The following FAM193A variants were observed in gnomAD, a reference collection of about 807,000 sequenced individuals.
The protein encoded by FAM193A is family with sequence similarity 193 member A.
In FAM193A, 22 loss-of-function variants were observed where a neutral mutation model predicts 126.5. The observed-to-expected ratio is 0.17, with a 90% CI of 0.12 to 0.25. FAM193A has a LOEUF of 0.25. FAM193A is among the 10% of genes least tolerant of loss of function. The probability of loss-of-function intolerance (pLI) is 1.00; values close to 1 mark genes in which losing one functional copy is unlikely to be tolerated. For missense variants in FAM193A, 1,675 were observed against 1,672.8 expected (o/e 1.00, Z -0.02); for synonymous variants, 761 against 646.8 (o/e 1.18, Z -2.68).
chr4:2,543,334 G>A (rs775043117), intron 1 of FAM193A, among the ~76,000 whole-genome samples: 15 of 152,020 alleles, frequency 9.9e-5, no homozygotes, highest in South Asian at 2.1e-4. Context: ...TGATGTACCC[G>A]CCTCGGCCTC....
intron 19 of FAM193A, among the ~76,000 whole-genome samples, chr4:2,702,887 A>T (rs190312051): frequency 1.3e-5 from 2 of 152,290 alleles, no homozygotes; most frequent in Admixed American, 6.5e-5. Flanking sequence ...CACCTTTAGT[A>T]CAATTACGTT....
At chr4:2,711,094 C>T (rs1718916106) in intron 19 of FAM193A, among the ~76,000 whole-genome samples, 1 of 149,404 alleles carries the variant, frequency 6.7e-6, no homozygotes, top group South Asian at 2.1e-4. Flanking sequence ...CCTTGTGATC[C>T]ACCCACCTTG....
chr4:2,555,622 T>G (rs191536079), intron 1 of FAM193A, among the ~76,000 whole-genome samples: 11 of 152,174 alleles, frequency 7.2e-5, no homozygotes, highest in African/African-American at 2.4e-4. Flanking sequence ...TTTGTTTGTT[T>G]GTTTTTTGTT....
chr4:2,687,718 C>G (rs1312189417), intron 13 of FAM193A, among the ~76,000 whole-genome samples: 1 of 152,232 alleles, frequency 6.6e-6, no homozygotes, highest in African/African-American at 2.4e-5. Flanking sequence ...CCTTCTGGTT[C>G]ATCCACAGCA....
intron 2 of FAM193A, among the ~76,000 whole-genome samples, chr4:2,623,926 G>A (rs1025385444): frequency 6.6e-6 from 1 of 152,132 alleles, no homozygotes; most frequent in Non-Finnish European, 1.5e-5. Context: ...GGCAGCCCCT[G>A]TCATGAGCCT....
chr4:2,538,682 A>AGGGGGGGG (rs1737039984), intron 1 of FAM193A, among the ~76,000 whole-genome samples: 1 of 6,144 alleles, frequency 1.6e-4, no homozygotes. Flanking sequence ...CGGGTAGGGG[A>AGGGGGGGG]GGGCGGGGGG....
intron 1 of FAM193A, among the ~76,000 whole-genome samples, chr4:2,546,213 A>G (rs1331164838): frequency 6.6e-6 from 1 of 151,766 alleles, no homozygotes; most frequent in African/African-American, 2.4e-5. Context: ...GCTGATCTCA[A>G]ACTCCTGGGC....
At chr4:2,568,224 T>G (rs1271498609) in intron 1 of FAM193A, among the ~76,000 whole-genome samples, 1 of 151,970 alleles carries the variant, frequency 6.6e-6, no homozygotes, top group Non-Finnish European at 1.5e-5. Flanking sequence ...CTTGTAAAAT[T>G]TTTTTTCAAA....
intron 13 of FAM193A, among the ~76,000 whole-genome samples, chr4:2,684,387 A>G (rs1361489429): frequency 2.0e-5 from 3 of 151,580 alleles, no homozygotes; most frequent in Non-Finnish European, 1.5e-5. Flanking sequence ...TTTTTTTTCC[A>G]AAGATACTTA....
At position 2,696,032 on chromosome 4, in the gene FAM193A, A is replaced by AT. The variant is rs1470683064; in HGVS notation, c.3277-330dup. ...GACAGAGCAAGACCTTGTCTCAAAAATAAATAAATAAATAAATAAATAAAA... is the reference window on the plus strand; with the variant it reads ...GACAGAGCAAGACCTTGTCTCAAAAATTAAATAAATAAATAAATAAATAAAA... On this transcript the variant is annotated intron_variant, in intron 17 of 20. Transcript: ENST00000637812. Among the ~76,000 whole-genome samples the AT allele has an allele frequency of 1.1e-4, 16 of 150,128 alleles. No homozygotes were observed. The South Asian group carries it at 3.2e-3, about 30-fold the overall frequency.
chr4:2,540,754 A>C (rs183960305), intron 1 of FAM193A, among the ~76,000 whole-genome samples: 388 of 152,270 alleles, frequency 2.5e-3, no homozygotes, highest in African/African-American at 8.2e-3. Context: ...TGAGGTTAGG[A>C]GTTCCAGACC....
intron 13 of FAM193A, among the ~76,000 whole-genome samples, chr4:2,688,976 G>A (rs1577208993): frequency 6.6e-6 from 1 of 152,262 alleles, no homozygotes; most frequent in Non-Finnish European, 1.5e-5. Flanking sequence ...GGCCCAGGGC[G>A]GGGCTTGCCA....
intron 19 of FAM193A, among the ~76,000 whole-genome samples, chr4:2,704,649 C>T (rs1718109218): frequency 6.6e-6 from 1 of 152,288 alleles, no homozygotes. Flanking sequence ...CCAAACCCTC[C>T]AGTCAGCCCA....
At chr4:2,725,079 A>C (rs565078172) in intron 20 of FAM193A, among the ~76,000 whole-genome samples, 1 of 152,160 alleles carries the variant, frequency 6.6e-6, no homozygotes, top group African/African-American at 2.4e-5. Context: ...GAGTTTCACC[A>C]TGTTGGCCAG....
chr4:2,661,387 A>T (rs1363216778), intron 10 of FAM193A, among the ~76,000 whole-genome samples: 1 of 152,194 alleles, frequency 6.6e-6, no homozygotes. Context: ...TATGGGTTGG[A>T]TCTTTACGGA....
chr4:2,667,116 T>G (rs543917970), intron 12 of FAM193A, among the ~76,000 whole-genome samples: 23 of 152,364 alleles, frequency 1.5e-4, no homozygotes, highest in South Asian at 8.3e-4. Context: ...CTATGTGTAC[T>G]TGAAAATAAT....
At chr4:2,548,322 C>G (rs1165433400) in intron 1 of FAM193A, among the ~76,000 whole-genome samples, 1 of 151,690 alleles carries the variant, frequency 6.6e-6, no homozygotes, top group Admixed American at 6.6e-5. Flanking sequence ...CCGCCCGCCT[C>G]GGCCTCCCAA....
chr4:2,677,768 G>T (rs1301258516), intron 13 of FAM193A, among the ~76,000 whole-genome samples: 1 of 151,608 alleles, frequency 6.6e-6, no homozygotes, highest in African/African-American at 2.4e-5. Flanking sequence ...AGATTGTTTG[G>T]GTTATTCAGG....
chr4:2,624,525 G>A (rs185439921), intron 2 of FAM193A, among the ~76,000 whole-genome samples: 1 of 152,176 alleles, frequency 6.6e-6, no homozygotes, highest in African/African-American at 2.4e-5. Flanking sequence ...AGAGGCCTCT[G>A]CCCCGGCTGC....
Sources: gnomAD v4.1 joint callset for allele counts (sites outside exome capture counted in the v4.1 genomes callset) on GRCh38, gnomAD v4.1.1 for gene constraint, MANE v1.5 for transcripts, NCBI Gene and HGNC (gene_info 2026-07-23, HGNC 2026-07-21) for gene names.